The following PHLPP1 variants were observed in gnomAD, a reference collection of about 807,000 sequenced individuals.
PHLPP1 encodes PH domain leucine-rich repeat-containing protein phosphatase 1.
In PHLPP1, 42 loss-of-function variants were observed where a neutral mutation model predicts 117.2. The ratio of observed to expected loss-of-function variants is 0.36; its 90% CI spans 0.28 to 0.46. The LOEUF is 0.46. PHLPP1 is among the 20% of genes least tolerant of loss of function. The pLI is 1.00. For synonymous variants in PHLPP1, 1,042 were observed against 970.7 expected, an observed-to-expected ratio of 1.07 and a Z score of -1.37; for missense variants, 2,084 against 2,241.9, an observed-to-expected ratio of 0.93 and a Z score of 1.42.
chr18:62,734,634 G>A (rs1911319814), intron 1 of PHLPP1, among the ~76,000 whole-genome samples: 1 of 152,136 alleles, frequency 6.6e-6, no homozygotes, highest in African/African-American at 2.4e-5. Context: ...AATTATTTCA[G>A]CCTGTCTGAC....
intron 4 of PHLPP1, among the ~76,000 whole-genome samples, chr18:62,862,809 G>T (rs1915665883): frequency 6.6e-6 from 1 of 152,196 alleles, no homozygotes; most frequent in Non-Finnish European, 1.5e-5. Flanking sequence ...TAACTTTCGT[G>T]TGTCATCAAG....
chr18:62,825,623 G>C (rs1914591902), intron 1 of PHLPP1: 1 of 151,312 alleles, frequency 6.6e-6, no homozygotes, highest in South Asian at 2.1e-4. Context: ...ACCACTCCCA[G>C]CTAATTTTTT....
chr18:62,889,538 G>C (rs1916359259), intron 4 of PHLPP1: 2 of 152,270 alleles, frequency 1.3e-5, no homozygotes, highest in Admixed American at 1.3e-4. Context: ...GCTGGGCCAG[G>C]GACCCCACCT....
chr18:62,776,537 T>C (rs910532762), intron 1 of PHLPP1, among the ~76,000 whole-genome samples: 2 of 152,170 alleles, frequency 1.3e-5, no homozygotes, highest in Non-Finnish European at 2.9e-5. Context: ...ATCTGCTCAC[T>C]TGTACTCAGT....
At chr18:62,951,465 G>C (rs140773369) in intron 12 of PHLPP1, among the ~76,000 whole-genome samples, 115 of 152,224 alleles carry the variant, frequency 7.6e-4, no homozygotes, top group African/African-American at 2.6e-3. Context: ...CTTTAGAGAG[G>C]CTTCTGGAGA....
At chr18:62,797,357 A>G (rs1913655570) in intron 1 of PHLPP1, among the ~76,000 whole-genome samples, 2 of 152,190 alleles carry the variant, frequency 1.3e-5, no homozygotes, top group African/African-American at 4.8e-5. Flanking sequence ...CCCAAGATAT[A>G]TCCATGTGTC....
At chr18:62,926,572 A>C (rs1034270465) in intron 10 of PHLPP1, among the ~76,000 whole-genome samples, 1 of 152,098 alleles carries the variant, frequency 6.6e-6, no homozygotes, top group Non-Finnish European at 1.5e-5. Context: ...AAACCATGAA[A>C]ATGCATTAGG....
intron 3 of PHLPP1, 24 bp from the exon 4 acceptor site, chr18:62,860,411 A>C: frequency 3.1e-6 from 5 of 1,606,416 alleles, no homozygotes; most frequent in Non-Finnish European, 4.3e-6. Flanking sequence ...GATGGTATTA[A>C]AATTAAGTTT....
rs904988349 is a variant in PHLPP1 at position 62,716,846 on chromosome 18, C to T, written c.1163C>T (p.Thr388Met). The T allele has an allele frequency of 2.6e-6, 4 of 1,522,940 alleles. No homozygotes were observed. In the African/African-American group the frequency reaches 5.7e-5, roughly 22 times the overall value. The allele number at this position is 1,522,940 out of a possible 1,614,324, so 94.3% of individuals were successfully genotyped here. Residue 388 changes from threonine (T) to methionine (M), a missense_variant, in exon 1 of 17, where the codon ACG becomes ATG. Thr to Met is a moderately conservative substitution (Grantham distance 81). This residue lies in a region of PHLPP1 where 719 missense variants were observed against 636.0 expected (regional missense o/e 1.13). Transcript: ENST00000262719. The surrounding 1 kb of genome is among the most constrained non-coding windows in gnomAD (Gnocchi z 5.7). ...GAGGCCGACGCAGCCTCGGCCCCGA[C>T]GGGGGTCCCGGGCCAGCCCCGCCGT... ...ELEADAASAP[T>M]GVPGQPRRPG...
intron 1 of PHLPP1, among the ~76,000 whole-genome samples, chr18:62,777,087 A>G (rs892748749): frequency 8.5e-5 from 13 of 152,236 alleles, no homozygotes; most frequent in African/African-American, 3.1e-4. Flanking sequence ...TAGCAACCCA[A>G]TGGTAGATGT....
At chr18:62,848,119 C>A (rs2144349509) in intron 3 of PHLPP1, among the ~76,000 whole-genome samples, 1 of 152,216 alleles carries the variant, frequency 6.6e-6, no homozygotes, top group African/African-American at 2.4e-5. Context: ...TTGTTGACAT[C>A]CTTGCAGATC....
chr18:62,969,230 C>G (rs1910986563), intron 14 of PHLPP1, among the ~76,000 whole-genome samples: 1 of 151,966 alleles, frequency 6.6e-6, no homozygotes, highest in South Asian at 2.1e-4. Flanking sequence ...TTATGATTCC[C>G]TTTCTTCTTG....
chr18:62,936,672 A>G (rs1187020279), intron 10 of PHLPP1, among the ~76,000 whole-genome samples: 1 of 152,210 alleles, frequency 6.6e-6, no homozygotes, highest in African/African-American at 2.4e-5. Flanking sequence ...ATTTTTGCCA[A>G]AAACGCATGA....
chr18:62,750,946 A>G (rs955715669), intron 1 of PHLPP1, among the ~76,000 whole-genome samples: 1 of 152,202 alleles, frequency 6.6e-6, no homozygotes, highest in Non-Finnish European at 1.5e-5. Context: ...ATTTGTCTAC[A>G]TGTCTGTTCA....
intron 12 of PHLPP1, among the ~76,000 whole-genome samples, chr18:62,953,616 C>A (rs78202028): frequency 2.0e-5 from 3 of 152,220 alleles, no homozygotes; most frequent in Non-Finnish European, 2.9e-5. Flanking sequence ...ACTGTGTCTG[C>A]CATCTCCATA....
intron 3 of PHLPP1, among the ~76,000 whole-genome samples, chr18:62,857,012 A>T (rs1339876285): frequency 6.6e-6 from 1 of 151,946 alleles, no homozygotes; most frequent in Non-Finnish European, 1.5e-5. Flanking sequence ...TAGGGGAGGG[A>T]TCTTCATTTT....
intron 1 of PHLPP1, among the ~76,000 whole-genome samples, chr18:62,755,529 G>A (rs1387232917): frequency 6.6e-6 from 1 of 152,122 alleles, no homozygotes; most frequent in Admixed American, 6.5e-5. Context: ...TCATGAATAG[G>A]ATTAGTGCCC....
chr18:62,750,599 G>C (rs1599025389), intron 1 of PHLPP1, among the ~76,000 whole-genome samples: 1 of 151,892 alleles, frequency 6.6e-6, no homozygotes, highest in African/African-American at 2.4e-5. Flanking sequence ...TTTGTCTTTT[G>C]CATTTATTGC....
At chr18:62,879,962 G>C (rs569219523) in intron 4 of PHLPP1, among the ~76,000 whole-genome samples, 4 of 151,846 alleles carry the variant, frequency 2.6e-5, no homozygotes, top group African/African-American at 9.7e-5. Flanking sequence ...AACACTCATG[G>C]TACTTCCTCC....
Sources: allele counts gnomAD v4.1 joint callset (sites outside exome capture counted in the v4.1 genomes callset), GRCh38; gene constraint gnomAD v4.1.1; regional missense constraint gnomAD v4.1.1; non-coding constraint Gnocchi (gnomAD v3.1); transcripts MANE v1.5; gene names NCBI Gene and HGNC (gene_info 2026-07-23, HGNC 2026-07-21).